Variants in SOX5 observed in about 807,000 individuals in gnomAD.
SOX5 encodes the protein SRY-box transcription factor 5.
Under a neutral mutation model 92.0 loss-of-function variants are expected in SOX5, and 9 were observed. The observed-to-expected ratio is 0.10, with a 90% confidence interval of 0.06 to 0.17. The LOEUF is 0.17. Among genes scored for constraint, SOX5 ranks in the 10% least tolerant of loss-of-function variants. The pLI, the probability that SOX5 is intolerant of heterozygous loss-of-function variation, is 1.00. For missense variants in SOX5, 642 were observed against 944.5 expected (o/e 0.68, Z 4.20); for synonymous variants, 344 against 336.3 (o/e 1.02, Z -0.25).
At chr12:23,818,808 T>C (rs1181852578) in intron 3 of SOX5, among the ~76,000 whole-genome samples, 1 of 152,150 alleles carries the variant, frequency 6.6e-6, no homozygotes, top group Non-Finnish European at 1.5e-5. Flanking sequence ...TTTCAAAACT[T>C]TTTATACATT....
intron 1 of SOX5, among the ~76,000 whole-genome samples, chr12:24,525,378 G>A (rs1950610105): frequency 6.6e-6 from 1 of 152,190 alleles, no homozygotes; most frequent in South Asian, 2.1e-4. Context: ...AGAGTTGGGG[G>A]AATGGGAAGT....
intron 1 of SOX5, among the ~76,000 whole-genome samples, chr12:24,383,919 G>A (rs965453745): frequency 6.6e-6 from 1 of 152,138 alleles, no homozygotes; most frequent in African/African-American, 2.4e-5. Flanking sequence ...GGAACCTGTG[G>A]GAGGTAATTG....
At chr12:24,014,832 T>C (rs946562662) in intron 4 of SOX5, among the ~76,000 whole-genome samples, 1 of 152,138 alleles carries the variant, frequency 6.6e-6, no homozygotes, top group African/African-American at 2.4e-5. Flanking sequence ...TAATATAGAC[T>C]ACAGACTACA....
Position 23,843,877 on chromosome 12 carries a change from C to T in SOX5, c.481+2106G>A, listed in dbSNP as rs539119313. Among the ~76,000 whole-genome samples the T allele has an allele frequency of 1.7e-4, 26 of 152,148 alleles. No homozygotes were observed. The South Asian group carries it at 5.2e-3, about 30-fold the overall frequency. ...CCGTGCCCAGCCTTGGCAGTTATTT[C>T]TTTTCAAAGTATATTACTTGGCAGA... On this transcript the variant is annotated intron_variant, in intron 3 of 14. Coordinates refer to ENST00000451604, the MANE Select transcript of SOX5 (RefSeq NM_006940.6).
intron 1 of SOX5, among the ~76,000 whole-genome samples, chr12:24,548,142 G>T (rs1459782174): frequency 1.3e-5 from 2 of 152,210 alleles, no homozygotes; most frequent in African/African-American, 4.8e-5. Context: ...GACTCAGAGG[G>T]CTCAAGTAAA....
At chr12:23,778,279 T>G (rs2141687435) in intron 3 of SOX5, among the ~76,000 whole-genome samples, 1 of 152,316 alleles carries the variant, frequency 6.6e-6, no homozygotes, top group East Asian at 1.9e-4. Context: ...AAAAGAATAG[T>G]TGCTATTATT....
At chr12:24,054,343 G>C (rs1957892643) in intron 4 of SOX5, among the ~76,000 whole-genome samples, 1 of 152,064 alleles carries the variant, frequency 6.6e-6, no homozygotes, top group Admixed American at 6.6e-5. Flanking sequence ...AATTGTGCTG[G>C]ACTATTTTCT....
chr12:23,654,891 AT>A (rs2082122439), intron 7 of SOX5, among the ~76,000 whole-genome samples: 1 of 152,094 alleles, frequency 6.6e-6, no homozygotes, highest in Non-Finnish European at 1.5e-5. Flanking sequence ...CTATATAGAT[AT>A]TTTAAAATAA....
chr12:23,812,954 G>GA (rs2095904583), intron 3 of SOX5, among the ~76,000 whole-genome samples: 1 of 152,170 alleles, frequency 6.6e-6, no homozygotes, highest in African/African-American at 2.4e-5. Flanking sequence ...ATGATAGGAA[G>GA]AAAAATTCCT....
chr12:24,424,789 T>C (rs999467978), intron 1 of SOX5, among the ~76,000 whole-genome samples: 2 of 146,328 alleles, frequency 1.4e-5, no homozygotes, highest in Middle Eastern at 3.5e-3. Context: ...TGGGCTCTTT[T>C]CTTTGTGAGT....
At chr12:24,239,199 C>T (rs536438947) in intron 3 of SOX5, among the ~76,000 whole-genome samples, 1 of 152,292 alleles carries the variant, frequency 6.6e-6, no homozygotes, top group South Asian at 2.1e-4. Context: ...TCAGAGGAAG[C>T]ATTCTTACCA....
chr12:23,688,822 T>C (rs2088157930), intron 6 of SOX5, among the ~76,000 whole-genome samples: 1 of 152,138 alleles, frequency 6.6e-6, no homozygotes, highest in African/African-American at 2.4e-5. Flanking sequence ...TTCTTTCTTG[T>C]GTGCAGTATT....
rs771951950 is a variant in SOX5 at position 24,194,405 on chromosome 12, ATAGGTAGGTAGG to A, written c.-2+18926_-2+18937del. ...TGTCTGTATCTATCTATCTATCTAG[ATAGGTAGGTAGG>A]TAGGTAGGTAGGTATGTAGGTAGGT... On this transcript the variant is annotated intron_variant, in intron 4 of 4. Coordinates refer to the SOX5 transcript ENST00000446891. Among the ~76,000 whole-genome samples, 7 of 148,244 alleles carry A rather than the reference ATAGGTAGGTAGG, an allele frequency of 4.7e-5. No homozygotes were observed. In the East Asian group the frequency reaches 7.7e-4, roughly 16 times the overall value.
At chr12:23,950,225 T>G (rs1007895076), upstream of SOX5, among the ~76,000 whole-genome samples, 1 of 151,436 alleles carries the variant, frequency 6.6e-6, no homozygotes, top group African/African-American at 2.4e-5. Flanking sequence ...CTTCTCACCC[T>G]TTTCTAGGCT....
At chr12:23,841,603 A>G (rs2096516862) in intron 3 of SOX5, among the ~76,000 whole-genome samples, 1 of 152,162 alleles carries the variant, frequency 6.6e-6, no homozygotes, top group South Asian at 2.1e-4. Flanking sequence ...ATACAATGGA[A>G]TATTATTTAC....
chr12:23,839,630 C>G (rs982184741), intron 3 of SOX5, among the ~76,000 whole-genome samples: 29 of 152,070 alleles, frequency 1.9e-4, no homozygotes, highest in Non-Finnish European at 3.7e-4. Context: ...ATCAAAATAA[C>G]TATAAATCAT....
intron 4 of SOX5, among the ~76,000 whole-genome samples, chr12:24,087,629 G>C (rs768719957): frequency 6.6e-6 from 1 of 152,062 alleles, no homozygotes; most frequent in African/African-American, 2.4e-5. Flanking sequence ...AATTGTGAAC[G>C]TGGTATATTG....
At chr12:24,144,517 AC>A (rs1164748746) in intron 4 of SOX5, among the ~76,000 whole-genome samples, 32 of 152,192 alleles carry the variant, frequency 2.1e-4, no homozygotes, top group African/African-American at 7.2e-4. Context: ...TTAAAATAGC[AC>A]AGAAAAGCCA....
At chr12:23,686,976 G>T (rs575304542) in intron 6 of SOX5, among the ~76,000 whole-genome samples, 1 of 152,028 alleles carries the variant, frequency 6.6e-6, no homozygotes, top group African/African-American at 2.4e-5. Flanking sequence ...GTGTGGTGTA[G>T]TGTCAAGTTA....
Sources: allele counts gnomAD v4.1 joint callset (sites outside exome capture counted in the v4.1 genomes callset), GRCh38; gene constraint gnomAD v4.1.1; transcripts MANE v1.5; gene names NCBI Gene and HGNC (gene_info 2026-07-23, HGNC 2026-07-21).